RBMS3: variants seen among roughly 807,000 people sequenced by gnomAD.
The protein encoded by RBMS3 is RNA-binding motif, single-stranded-interacting protein 3.
Under a neutral mutation model 66.8 loss-of-function variants are expected in RBMS3, and 27 were observed. The ratio of observed to expected loss-of-function variants is 0.40; its 90% CI spans 0.30 to 0.56. The LOEUF is 0.56. RBMS3 is among the 20% of genes least tolerant of loss of function. The probability of loss-of-function intolerance (pLI) is 0.40; values close to 1 mark genes in which losing one functional copy is unlikely to be tolerated. For missense variants in RBMS3, 513 were observed against 549.5 expected, an observed-to-expected ratio of 0.93 and a Z score of 0.66; for synonymous variants, 188 against 183.0, an observed-to-expected ratio of 1.03 and a Z score of -0.22.
At chr3:29,426,812 A>G (rs903322526) in intron 1 of RBMS3, among the ~76,000 whole-genome samples, 2 of 152,250 alleles carry the variant, frequency 1.3e-5, no homozygotes, top group African/African-American at 2.4e-5. Context: ...CTGCCTTGTG[A>G]TGATGATAAT....
chr3:29,787,849 T>C (rs2056871857), intron 6 of RBMS3, among the ~76,000 whole-genome samples: 1 of 152,178 alleles, frequency 6.6e-6, no homozygotes, highest in African/African-American at 2.4e-5. Context: ...TAAAAAAAAT[T>C]AAAAATTAAA....
At chr3:29,744,648 G>T (rs532998377) in intron 5 of RBMS3, among the ~76,000 whole-genome samples, 1 of 152,256 alleles carries the variant, frequency 6.6e-6, no homozygotes, top group African/African-American at 2.4e-5. Context: ...GCCAGGCGTG[G>T]TGGCACGTGC....
chr3:29,776,678 A>G (rs2056438217), intron 6 of RBMS3, among the ~76,000 whole-genome samples: 1 of 152,006 alleles, frequency 6.6e-6, no homozygotes, highest in South Asian at 2.1e-4. Flanking sequence ...CATGAGAATT[A>G]TTTCATCAAC....
chr3:29,417,167 CAT>C (rs1376432201), intron 1 of RBMS3, among the ~76,000 whole-genome samples: 5 of 152,020 alleles, frequency 3.3e-5, no homozygotes, highest in African/African-American at 1.2e-4. Context: ...TTTTTATTTT[CAT>C]GTTGTTCTTC....
At chr3:29,505,668 G>A (rs369671329) in intron 3 of RBMS3, among the ~76,000 whole-genome samples, 1 of 151,310 alleles carries the variant, frequency 6.6e-6, no homozygotes, top group South Asian at 2.1e-4. Flanking sequence ...GATTGCTTTG[G>A]GTAGTATGGG....
intron 4 of RBMS3, among the ~76,000 whole-genome samples, chr3:29,683,942 C>CT (rs376738849): frequency 6.6e-6 from 1 of 152,090 alleles, no homozygotes; most frequent in Admixed American, 6.6e-5. Flanking sequence ...TATTTAGGAT[C>CT]TTTTTTCCTG....
chr3:29,366,386 T>C (rs1354705313), intron 1 of RBMS3, among the ~76,000 whole-genome samples: 3 of 152,242 alleles, frequency 2.0e-5, no homozygotes, highest in African/African-American at 7.2e-5. Context: ...CTGAATCCTT[T>C]TTTTGTTTGT....
At chr3:29,899,680 C>T (rs2149607377) in intron 9 of RBMS3, 25 bp from the exon 10 acceptor site, 1 of 1,604,704 alleles carries the variant, frequency 6.2e-7, no homozygotes, top group Non-Finnish European at 8.5e-7. Flanking sequence ...TTGCTTTGTG[C>T]TAATAAATGC....
chr3:29,548,793 A>G (rs143798827), intron 3 of RBMS3, among the ~76,000 whole-genome samples: 107 of 152,176 alleles, frequency 7.0e-4, no homozygotes, highest in African/African-American at 2.4e-3. Flanking sequence ...AAGTCTTCTC[A>G]GTTTACCAAG....
intron 4 of RBMS3, among the ~76,000 whole-genome samples, chr3:29,633,002 T>C (rs921780453): frequency 7.2e-5 from 11 of 151,972 alleles, no homozygotes; most frequent in Non-Finnish European, 4.4e-5. Flanking sequence ...AATATTGTAC[T>C]GTACTTGTAT....
chr3:29,922,820 A>C (rs563934035), intron 10 of RBMS3, among the ~76,000 whole-genome samples: 1 of 152,344 alleles, frequency 6.6e-6, no homozygotes, highest in South Asian at 2.1e-4. Flanking sequence ...GAGAATTCAC[A>C]TTGATTGTCT....
intron 8 of RBMS3, among the ~76,000 whole-genome samples, chr3:29,890,680 A>G (rs920294169): frequency 6.6e-6 from 1 of 151,646 alleles, no homozygotes; most frequent in Admixed American, 6.6e-5. Flanking sequence ...AATAGGAGAT[A>G]GAATACAAAA....
rs145565358 is a variant in RBMS3 at position 29,454,284 on chromosome 3, C to T, written c.248+19369C>T. Among the ~76,000 whole-genome samples, 30 of 152,266 alleles carry T rather than the reference C, an allele frequency of 2.0e-4. No individual in the cohort carries two copies. In the East Asian group the frequency reaches 5.8e-3, roughly 29 times the overall value. On this transcript the variant is annotated intron_variant, in intron 2 of 14. Transcript: ENST00000383767. The stretch of plus-strand genomic sequence containing the variant: ...TTGGGCACAGCATATTTAGAAAGCA[C>T]TCATCCCTCTTCTTTTGTTGGGGTG...
At chr3:29,407,670 A>G (rs1480587590) in intron 1 of RBMS3, among the ~76,000 whole-genome samples, 2 of 152,142 alleles carry the variant, frequency 1.3e-5, no homozygotes, top group Non-Finnish European at 2.9e-5. Context: ...CCTCTAACAG[A>G]TGATTGAGTT....
chr3:29,685,191 T>C (rs1385427619), intron 4 of RBMS3, among the ~76,000 whole-genome samples: 1 of 152,060 alleles, frequency 6.6e-6, no homozygotes, highest in Non-Finnish European at 1.5e-5. Context: ...CCCGAGTAGC[T>C]GGGACTACAG....
At chr3:29,560,128 G>A (rs1245864870) in intron 3 of RBMS3, among the ~76,000 whole-genome samples, 2 of 152,100 alleles carry the variant, frequency 1.3e-5, no homozygotes, top group Non-Finnish European at 2.9e-5. Context: ...AATGATAATA[G>A]GAGAATCCAA....
At chr3:29,675,243 A>T (rs2051193291) in intron 4 of RBMS3, among the ~76,000 whole-genome samples, 1 of 152,196 alleles carries the variant, frequency 6.6e-6, no homozygotes, top group African/African-American at 2.4e-5. Context: ...CTGAAACTGG[A>T]TCCCTTCCTT....
intron 4 of RBMS3, among the ~76,000 whole-genome samples, chr3:29,656,437 A>T (rs564613970): frequency 6.6e-6 from 1 of 152,364 alleles, no homozygotes; most frequent in African/African-American, 2.4e-5. Flanking sequence ...AACACCATAT[A>T]GCCCAGCTGT....
chr3:29,946,590 G>C (rs992794518), intron 12 of RBMS3, among the ~76,000 whole-genome samples: 1 of 151,548 alleles, frequency 6.6e-6, no homozygotes, highest in African/African-American at 2.4e-5. Flanking sequence ...TTGTGTTGTC[G>C]TGATGTGAAA....
Sources: gnomAD v4.1 joint callset for allele counts (sites outside exome capture counted in the v4.1 genomes callset) on GRCh38, gnomAD v4.1.1 for gene constraint, MANE v1.5 for transcripts, NCBI Gene and HGNC (gene_info 2026-07-23, HGNC 2026-07-21) for gene names.